The following TRAPPC9 variants were observed in gnomAD, a reference collection of about 807,000 sequenced individuals.
The protein encoded by TRAPPC9 is trafficking protein particle complex subunit 9.
In TRAPPC9, 83 loss-of-function variants were observed where a neutral mutation model predicts 124.0. The observed-to-expected ratio is 0.67, with a 90% confidence interval of 0.56 to 0.80. The LOEUF (loss-of-function observed/expected upper bound fraction) is 0.80, where lower values mean the gene tolerates loss of function less well. TRAPPC9 is among the 30% of genes least tolerant of loss of function. The probability of loss-of-function intolerance (pLI) is 0.00; values close to 1 mark genes in which losing one functional copy is unlikely to be tolerated. For synonymous variants in TRAPPC9, 638 were observed against 617.5 expected (o/e 1.03, Z -0.49); for missense variants, 1,302 against 1,508.3 (o/e 0.86, Z 2.27).
At chr8:139,893,260 G>A (rs1830458578) in intron 20 of TRAPPC9, among the ~76,000 whole-genome samples, 1 of 152,162 alleles carries the variant, frequency 6.6e-6, no homozygotes, top group Non-Finnish European at 1.5e-5. Context: ...CATCCTCACG[G>A]CGTGCCGCAG....
chr8:140,391,712 C>CAAAAAAAAAAAAAAA (rs1238939604), intron 7 of TRAPPC9, among the ~76,000 whole-genome samples: 1 of 75,466 alleles, frequency 1.3e-5, no homozygotes. Context: ...AACTCTGTCT[C>CAAAAAAAAAAAAAAA]AAAAAAAAAA....
At chr8:140,175,960 G>A (rs1237508573) in intron 17 of TRAPPC9, among the ~76,000 whole-genome samples, 1 of 152,220 alleles carries the variant, frequency 6.6e-6, no homozygotes, top group Admixed American at 6.5e-5. Context: ...ATGCCCTGAG[G>A]ACAGACACGT....
intron 17 of TRAPPC9, among the ~76,000 whole-genome samples, chr8:140,145,181 CTCTAAT>C (rs2061442305): frequency 6.6e-6 from 1 of 152,136 alleles, no homozygotes; most frequent in Non-Finnish European, 1.5e-5. Flanking sequence ...CAGCCTCTTT[CTCTAAT>C]TCTAACAGTT....
At chr8:139,831,548 T>A (rs1164554148) in intron 21 of TRAPPC9, among the ~76,000 whole-genome samples, 1 of 152,152 alleles carries the variant, frequency 6.6e-6, no homozygotes, top group African/African-American at 2.4e-5. Context: ...ATTTGCTCCC[T>A]ATAAGGAACT....
chr8:140,426,529 C>T, intron 5 of TRAPPC9, 86 bp downstream of exon 5: 1 of 1,294,464 alleles, frequency 7.7e-7, no homozygotes, highest in South Asian at 1.2e-5. Flanking sequence ...GATCATCATC[C>T]AGAAATTTTA....
At chr8:139,985,187 T>C (rs888554086) in intron 19 of TRAPPC9, among the ~76,000 whole-genome samples, 1 of 152,208 alleles carries the variant, frequency 6.6e-6, no homozygotes, top group Non-Finnish European at 1.5e-5. Context: ...GACTAAATTG[T>C]GATTATTTGC....
chr8:140,080,372 G>C (rs1027000258), intron 17 of TRAPPC9, among the ~76,000 whole-genome samples: 1 of 152,182 alleles, frequency 6.6e-6, no homozygotes, highest in South Asian at 2.1e-4. Context: ...ACCTGAGTGT[G>C]GGTAATGCGT....
At position 140,252,954 on chromosome 8, in the gene TRAPPC9, T is replaced by G. The variant is rs1436100020; in HGVS notation, c.2279-25A>C. On this transcript the variant is annotated intron_variant, in intron 15 of 22. Transcript: ENST00000438773. This position sits in a 1 kb window ranked among gnomAD's most constrained non-coding sequence, Gnocchi z 4.2. ...TCTGTAATAATAACAATGACAGTGA[T>G]GAGGATGCTGTAACTGAGGCAGTAT... 6.2e-7 allele frequency: 1 copy of G among 1,612,368 alleles called. No individual in the cohort carries two copies. The highest frequency in any genetic ancestry group is 8.5e-7 in the Non-Finnish European group (1 of 1,179,430).
intron 1 of TRAPPC9, among the ~76,000 whole-genome samples, chr8:140,453,961 G>A (rs1299979288): frequency 2.0e-5 from 3 of 152,130 alleles, no homozygotes; most frequent in Non-Finnish European, 4.4e-5. Context: ...AGGAGAGCGC[G>A]GCCCACCGCA....
chr8:139,732,346 GAC>G (rs1817891883), intron 21 of TRAPPC9, 144 bp from the exon 22 acceptor site: 1 of 759,648 alleles, frequency 1.3e-6, no homozygotes, highest in African/African-American at 1.8e-5. Context: ...GGACACTGGG[GAC>G]ACAGATGTGT....
chr8:140,032,017 G>A (rs75254155), intron 17 of TRAPPC9, among the ~76,000 whole-genome samples: 6,344 of 152,244 alleles, frequency 0.042, 407 homozygotes, highest in African/African-American at 0.14. Context: ...GATGAGCCCA[G>A]TGCCATAGAC....
intron 19 of TRAPPC9, among the ~76,000 whole-genome samples, chr8:139,951,114 C>T (rs1055636837): frequency 4.6e-5 from 7 of 152,172 alleles, no homozygotes; most frequent in Admixed American, 3.9e-4. Context: ...CCATTTCTTC[C>T]TCCTAAGAAG....
intron 17 of TRAPPC9, among the ~76,000 whole-genome samples, chr8:140,025,772 G>T (rs764525977): frequency 1.3e-5 from 2 of 152,170 alleles, no homozygotes; most frequent in Non-Finnish European, 2.9e-5. Flanking sequence ...ACATGGCTTA[G>T]AATCGGAGGA....
In TRAPPC9 at chr8:140,337,490, C is replaced by T. The variant is rs1019812676; in HGVS notation, c.1495+22560G>A. The stretch of plus-strand genomic sequence containing the variant: ...AAGCTTGAGCAGGCCAGGACTGTGA[C>T]ATATGAGCCACAGACAGAGAGGATC... On this transcript the variant is annotated intron_variant, in intron 9 of 22. Coordinates refer to ENST00000438773, the MANE Select transcript of TRAPPC9 (RefSeq NM_001160372.4). Among the ~76,000 whole-genome samples, 16 of 152,312 alleles carry T rather than the reference C, an allele frequency of 1.1e-4. No individual in the cohort carries two copies. In the South Asian group the frequency reaches 3.3e-3, roughly 32 times the overall value.
chr8:140,252,187 G>A lies in TRAPPC9; in HGVS notation c.2431+590C>T, dbSNP rs969268881. On this transcript the variant is annotated intron_variant, in intron 16 of 22. Coordinates refer to ENST00000438773, the MANE Select transcript of TRAPPC9 (RefSeq NM_001160372.4). This position sits in a 1 kb window ranked among gnomAD's most constrained non-coding sequence, Gnocchi z 4.2. ...ATTACAGGCATGCGCCACCATGCCC[G>A]ACGAATTTTTGTATTGTTAATAGAG... is the stretch of plus-strand genomic sequence containing the variant. Among the ~76,000 whole-genome samples, 5 of 151,980 alleles carry A rather than the reference G, an allele frequency of 3.3e-5. No homozygotes were observed. The highest frequency in any genetic ancestry group is 4.2e-4 in the South Asian group (2 of 4,814).
At chr8:139,797,298 C>T (rs941968136) in intron 21 of TRAPPC9, among the ~76,000 whole-genome samples, 2 of 152,098 alleles carry the variant, frequency 1.3e-5, no homozygotes, top group African/African-American at 2.4e-5. Context: ...CTTGGTCTGT[C>T]GCCCAGGCTG....
intron 21 of TRAPPC9, among the ~76,000 whole-genome samples, chr8:139,846,688 C>A (rs1827106593): frequency 6.6e-6 from 1 of 152,208 alleles, no homozygotes; most frequent in Non-Finnish European, 1.5e-5. Flanking sequence ...CTGATACATT[C>A]AAAACTCTGA....
chr8:140,384,640 C>A (rs1466684904), intron 7 of TRAPPC9, among the ~76,000 whole-genome samples: 1 of 152,126 alleles, frequency 6.6e-6, no homozygotes, highest in Non-Finnish European at 1.5e-5. Context: ...ATACATGCAC[C>A]CAATACAGGA....
rs1563804614 is a variant in TRAPPC9, at chr8:140,157,179, A to AAGCCTCCCTTTCCATTCAG, written c.2556+64279_2556+64280insCTGAATGGAAAGGGAGGCT. On this transcript the variant is annotated intron_variant, in intron 17 of 22. Coordinates refer to ENST00000438773, the MANE Select transcript of TRAPPC9 (RefSeq NM_001160372.4). ...TTCAGAAGCCTCCCTTTTCCATTCA[A>AAGCCTCCCTTTCCATTCAG]AAGCCTCCCTTTTCCATTCAAAAGC... 1.9e-4 allele frequency among the ~76,000 whole-genome samples: 10 copies of AAGCCTCCCTTTCCATTCAG among 52,332 alleles called. 1 individual carries two copies. Among genetic ancestry groups the AAGCCTCCCTTTCCATTCAG allele is most frequent in the Non-Finnish European group, 3.0e-4 (7 of 23,140 alleles). 34.3% of individuals were successfully genotyped at this position (52,332 alleles called of 152,430 possible).
Sources: allele counts gnomAD v4.1 joint callset (sites outside exome capture counted in the v4.1 genomes callset), GRCh38; gene constraint gnomAD v4.1.1; non-coding constraint Gnocchi (gnomAD v3.1); transcripts MANE v1.5; gene names NCBI Gene and HGNC (gene_info 2026-07-23, HGNC 2026-07-21).